Variants in MYOM1 observed in about 807,000 individuals in gnomAD.
The protein encoded by MYOM1 is myomesin 1.
In MYOM1, 164 loss-of-function variants were observed where a neutral mutation model predicts 205.3. That is an observed-to-expected ratio of 0.80 (90% CI 0.70 to 0.91). The LOEUF is 0.91. Among genes scored for constraint, MYOM1 ranks in the 40% least tolerant of loss-of-function variants. The pLI is 0.00. For synonymous variants in MYOM1, 772 were observed against 789.4 expected (o/e 0.98, Z 0.37); for missense variants, 2,011 against 2,127.3 (o/e 0.95, Z 1.08).
chr18:3,145,354 T>A (rs2080110415), intron 13 of MYOM1, among the ~76,000 whole-genome samples: 1 of 151,420 alleles, frequency 6.6e-6, no homozygotes, highest in Non-Finnish European at 1.5e-5. Context: ...ACACTAAATA[T>A]TCACCAAGAT....
At chr18:3,239,680 T>C in the MYOM1 span, among the ~76,000 whole-genome samples, 1 of 146,028 alleles carries the variant, frequency 6.8e-6, no homozygotes, top group African/African-American at 2.6e-5. Flanking sequence ...TGATTGACCC[T>C]TAGGAGGCCA....
the MYOM1 span, among the ~76,000 whole-genome samples, chr18:3,238,221 A>C: frequency 6.6e-6 from 1 of 152,178 alleles, no homozygotes; most frequent in East Asian, 1.9e-4. Context: ...AACATGACCT[A>C]GATTCCTCGC....
chr18:3,236,682 A>G, the MYOM1 span: 1 of 152,198 alleles, frequency 6.6e-6, no homozygotes, highest in Non-Finnish European at 1.5e-5. Context: ...GTCAAGTGAG[A>G]GGTTAGATAT....
intron 14 of MYOM1, among the ~76,000 whole-genome samples, chr18:3,137,075 C>T (rs1477150778): frequency 2.0e-5 from 3 of 151,910 alleles, no homozygotes; most frequent in East Asian, 1.9e-4. Flanking sequence ...CTCAGCCTCC[C>T]GAGTAGCTGG....
intron 2 of MYOM1, among the ~76,000 whole-genome samples, chr18:3,203,293 G>A (rs2081089671): frequency 1.3e-5 from 2 of 149,382 alleles, no homozygotes; most frequent in African/African-American, 2.5e-5. Context: ...AAGACTAGAG[G>A]GGAAATAAAT....
At chr18:3,108,477 A>G (rs1388007686) in intron 22 of MYOM1, among the ~76,000 whole-genome samples, 1 of 152,178 alleles carries the variant, frequency 6.6e-6, no homozygotes, top group Non-Finnish European at 1.5e-5. Flanking sequence ...TGATACTCAA[A>G]TGGATGATTC....
chr18:3,195,191 G>T (rs578189172), intron 2 of MYOM1, among the ~76,000 whole-genome samples: 1 of 152,336 alleles, frequency 6.6e-6, no homozygotes, highest in African/African-American at 2.4e-5. Flanking sequence ...ACTTTGACAT[G>T]CAGGGCAGGC....
chr18:3,068,798 A>G (rs968820774), intron 37 of MYOM1, among the ~76,000 whole-genome samples: 1 of 152,350 alleles, frequency 6.6e-6, no homozygotes, highest in African/African-American at 2.4e-5. Flanking sequence ...AGTTTTAACT[A>G]TGATGCACTA....
rs1294388277 is a variant in MYOM1, at chr18:3,100,347, C to G, written c.3655G>C (p.Ala1219Pro). 6.2e-7 allele frequency: 1 copy of G among 1,613,750 alleles called. No homozygotes were observed. The highest frequency in any genetic ancestry group is 8.5e-7 in the Non-Finnish European group (1 of 1,179,796). The change falls in exon 24 of 38, where the codon GCA becomes CCA. Residue 1219 changes from alanine to proline, a missense_variant. Coordinates refer to ENST00000356443, the MANE Select transcript of MYOM1 (RefSeq NM_003803.4). ...TCCTCATCTATTAAGTAGCTTGATG[C>G]TATTCCATCAGTGTCTGTTACATCG... ...SCDVTDTDGI[A>P]SSYLIDEEEL...
intron 13 of MYOM1, among the ~76,000 whole-genome samples, chr18:3,144,168 T>A (rs2080091476): frequency 6.6e-6 from 1 of 152,014 alleles, no homozygotes; most frequent in South Asian, 2.1e-4. Context: ...ACTGCAGCAC[T>A]ACACTCCAGA....
chr18:3,154,059 T>C (rs916001286), intron 11 of MYOM1, among the ~76,000 whole-genome samples: 1 of 152,190 alleles, frequency 6.6e-6, no homozygotes, highest in Non-Finnish European at 1.5e-5. Flanking sequence ...TTGTTACTTC[T>C]TTGTATAACT....
At chr18:3,236,240 G>A in the MYOM1 span, among the ~76,000 whole-genome samples, 1 of 152,210 alleles carries the variant, frequency 6.6e-6, no homozygotes, top group African/African-American at 2.4e-5. Flanking sequence ...TACTCTATCT[G>A]CTATGTGGAG....
intron 16 of MYOM1, among the ~76,000 whole-genome samples, chr18:3,132,110 A>ATG (rs1231816972): frequency 0.052 from 3,686 of 70,436 alleles, 174 homozygotes; most frequent in African/African-American, 0.17. Flanking sequence ...ATTATTATAT[A>ATG]TGTGTGTGTA....
At chr18:3,088,709 G>A (rs1236746506) in intron 29 of MYOM1, among the ~76,000 whole-genome samples, 1 of 152,050 alleles carries the variant, frequency 6.6e-6, no homozygotes, top group African/African-American at 2.4e-5. Context: ...TAAGACAATT[G>A]GTTGTGAGCT....
chr18:3,118,548 G>A (rs1033767716), intron 20 of MYOM1, among the ~76,000 whole-genome samples: 2 of 152,094 alleles, frequency 1.3e-5, no homozygotes, highest in Admixed American at 6.5e-5. Flanking sequence ...TGCCCAGCCT[G>A]GTCTTGAACC....
chr18:3,110,482 A>G (rs531690185), intron 22 of MYOM1, among the ~76,000 whole-genome samples: 38 of 152,370 alleles, frequency 2.5e-4, no homozygotes, highest in African/African-American at 8.9e-4. Flanking sequence ...TGAGGCTTCA[A>G]GACAGTGTCA....
chr18:3,210,610 C>T (rs1024869899), intron 2 of MYOM1, among the ~76,000 whole-genome samples: 5 of 152,188 alleles, frequency 3.3e-5, no homozygotes, highest in African/African-American at 9.7e-5. Flanking sequence ...TGTGTCCTTC[C>T]ATCTGCTGTT....
intron 33 of MYOM1, among the ~76,000 whole-genome samples, chr18:3,080,913 C>A (rs2079077654): frequency 6.6e-6 from 1 of 152,034 alleles, no homozygotes; most frequent in African/African-American, 2.4e-5. Flanking sequence ...GCAGGTGGAT[C>A]ACGAAGTCAG....
rs555131429 is a variant in MYOM1, at chr18:3,161,363, C to T, written c.1501+2915G>A. 5.3e-5 allele frequency among the ~76,000 whole-genome samples: 8 copies of T among 152,330 alleles called. No homozygotes were observed. The East Asian group carries it at 1.5e-3, about 29-fold the overall frequency. On this transcript the variant is annotated intron_variant, in intron 10 of 37. Coordinates refer to ENST00000356443, the MANE Select transcript of MYOM1 (RefSeq NM_003803.4). ...CTGTCCCCAGCAATCATTCTTCCTG[C>T]TTCCTTTTAGTACTAGGACCCCTGA...
Sources: allele counts gnomAD v4.1 joint callset (sites outside exome capture counted in the v4.1 genomes callset), GRCh38; gene constraint gnomAD v4.1.1; transcripts MANE v1.5; gene names NCBI Gene and HGNC (gene_info 2026-07-23, HGNC 2026-07-21).